Variants in LEPR observed in about 807,000 individuals in gnomAD.
The protein encoded by LEPR is OB receptor.
Under a neutral mutation model 114.7 loss-of-function variants are expected in LEPR, and 56 were observed. That is an observed-to-expected ratio of 0.49 (90% CI 0.39 to 0.61). The LOEUF (loss-of-function observed/expected upper bound fraction) is 0.61, where lower values mean the gene tolerates loss of function less well. LEPR is among the 20% of genes least tolerant of loss of function. The probability of loss-of-function intolerance (pLI) is 0.00; values close to 1 mark genes in which losing one functional copy is unlikely to be tolerated. For synonymous variants in LEPR, 443 were observed against 461.4 expected (o/e 0.96, Z 0.51); for missense variants, 1,202 against 1,352.9 (o/e 0.89, Z 1.75).
chr1:65,548,151 G>T (rs1000752090), intron 2 of LEPR, among the ~76,000 whole-genome samples: 1 of 151,998 alleles, frequency 6.6e-6, no homozygotes, highest in East Asian at 1.9e-4. Context: ...GTTCTAGTTT[G>T]ACTGCACTGT....
At position 65,633,123 on chromosome 1, in the gene LEPR, T is replaced by G; in HGVS notation, c.2674-3068T>G. 1 of 1,429,998 alleles carries G rather than the reference T, an allele frequency of 7.0e-7. No individual in the cohort carries two copies. Among genetic ancestry groups the G allele is most frequent in the Non-Finnish European group, 9.8e-7 (1 of 1,017,818 alleles). The allele number at this position is 1,429,998 out of a possible 1,614,324, so 88.6% of individuals were successfully genotyped here. A position where few individuals can be genotyped will look rare whatever the true frequency, so the allele number is the denominator to read the frequency against. On this transcript the variant is annotated intron_variant, in intron 19 of 19. Coordinates refer to ENST00000349533, the MANE Select transcript of LEPR (RefSeq NM_002303.6). This position sits in a 1 kb window ranked among gnomAD's most constrained non-coding sequence, Gnocchi z 4.1. ...TTGTGAGTGATTTTTTATTTTGCTT[T>G]CTTATTTTGTTTTATTTTATCTAAA...
chr1:65,538,908 A>G (rs1366458461), intron 2 of LEPR, among the ~76,000 whole-genome samples: 1 of 151,454 alleles, frequency 6.6e-6, no homozygotes, highest in African/African-American at 2.4e-5. Flanking sequence ...CTCTGGAAAC[A>G]CTTGTGCCTT....
chr1:65,592,412 C>T (rs888340028), intron 5 of LEPR, among the ~76,000 whole-genome samples: 3 of 151,218 alleles, frequency 2.0e-5, no homozygotes, highest in Non-Finnish European at 3.0e-5. Flanking sequence ...TTTAGAATTG[C>T]AGTTTTTCTT....
intron 2 of LEPR, among the ~76,000 whole-genome samples, chr1:65,536,798 AG>A (rs1452231414): frequency 1.3e-5 from 2 of 152,222 alleles, no homozygotes; most frequent in African/African-American, 2.4e-5. Flanking sequence ...AATTCAAAAA[AG>A]AATGCCTCAC....
chr1:65,604,620 T>C (rs1656687294), intron 10 of LEPR, among the ~76,000 whole-genome samples: 1 of 152,184 alleles, frequency 6.6e-6, no homozygotes, highest in African/African-American at 2.4e-5. Flanking sequence ...CCGGGCCTTC[T>C]GCCTGTCTTT....
chr1:65,488,781 A>C (rs1348455312), intron 2 of LEPR, among the ~76,000 whole-genome samples: 1 of 150,922 alleles, frequency 6.6e-6, no homozygotes, highest in Admixed American at 6.6e-5. Context: ...TATCCTTCCC[A>C]GCCTCTGCTA....
intron 2 of LEPR, among the ~76,000 whole-genome samples, chr1:65,527,528 C>T (rs953476979): frequency 6.6e-6 from 1 of 152,126 alleles, no homozygotes; most frequent in Middle Eastern, 3.2e-3. Context: ...AATGTTTTAT[C>T]AGTAGCATTT....
At chr1:65,612,424 G>A (rs1422395059) in intron 14 of LEPR, among the ~76,000 whole-genome samples, 1 of 152,170 alleles carries the variant, frequency 6.6e-6, no homozygotes, top group Non-Finnish European at 1.5e-5. Flanking sequence ...TTTACCCAAT[G>A]TTCTTTTTCT....
intron 4 of LEPR, among the ~76,000 whole-genome samples, 192 bp downstream of exon 4, chr1:65,570,994 A>G (rs1313089340): frequency 2.6e-5 from 4 of 152,202 alleles, no homozygotes; most frequent in Non-Finnish European, 5.9e-5. Context: ...TAAAAATATA[A>G]TGAGGGAATT....
chr1:65,456,776 A>G (rs1646882039), intron 2 of LEPR, among the ~76,000 whole-genome samples: 1 of 152,116 alleles, frequency 6.6e-6, no homozygotes, highest in Non-Finnish European at 1.5e-5. Context: ...TCTGTCTTTG[A>G]TTGGTGCATT....
rs1254065134 is a variant in LEPR, at chr1:65,451,659, C to T, written c.-21+26281C>T. On this transcript the variant is annotated intron_variant, in intron 2 of 19. Transcript: ENST00000349533. The stretch of plus-strand genomic sequence containing the variant: ...TATATCTCTGTTTTGGTACCAGTAC[C>T]GTGCTGTTTTGGTTACTGTAGCCTT... Among the ~76,000 whole-genome samples the T allele has an allele frequency of 8.5e-5, 13 of 152,276 alleles. No individual in the cohort carries two copies. The East Asian group carries it at 9.6e-4, about 11-fold the overall frequency.
chr1:65,587,929 A>G (rs1242068821), intron 5 of LEPR, among the ~76,000 whole-genome samples: 1 of 152,018 alleles, frequency 6.6e-6, no homozygotes, highest in African/African-American at 2.4e-5. Context: ...TGATTTTTAA[A>G]TTATTACATT....
intron 2 of LEPR, among the ~76,000 whole-genome samples, chr1:65,558,033 A>G (rs7413823): frequency 0.71 from 107,115 of 151,828 alleles, 38,757 homozygotes; most frequent in Middle Eastern, 0.87. Flanking sequence ...AGTTAAAAAC[A>G]AGCCAAATCA....
chr1:65,565,654 G>C (rs745650299), intron 3 of LEPR, 49 bp downstream of exon 3: 3 of 1,608,208 alleles, frequency 1.9e-6, no homozygotes, highest in East Asian at 4.5e-5. Context: ...ACATGGTAGA[G>C]ATTTTGCCTT....
intron 2 of LEPR, among the ~76,000 whole-genome samples, chr1:65,442,008 G>T (rs146871953): frequency 1.8e-4 from 27 of 152,260 alleles, no homozygotes; most frequent in African/African-American, 6.5e-4. Flanking sequence ...GGGTTAATGT[G>T]GGCTGAGAGA....
intron 2 of LEPR, among the ~76,000 whole-genome samples, chr1:65,455,828 CTG>C (rs1646864273): frequency 6.6e-6 from 1 of 152,240 alleles, no homozygotes; most frequent in Non-Finnish European, 1.5e-5. Flanking sequence ...AGCTTCCTGG[CTG>C]CTTTGTTTAC....
chr1:65,514,433 A>G (rs1321136284), intron 2 of LEPR, among the ~76,000 whole-genome samples: 1 of 152,222 alleles, frequency 6.6e-6, no homozygotes, highest in African/African-American at 2.4e-5. Context: ...TCTTACATAG[A>G]TATTTTCAAA....
chr1:65,592,134 C>T (rs1460188089), intron 5 of LEPR, among the ~76,000 whole-genome samples: 5 of 151,878 alleles, frequency 3.3e-5, no homozygotes, highest in African/African-American at 7.2e-5. Context: ...CTTTTACCTA[C>T]GTTGTAAACT....
chr1:65,423,061 G>A (rs539212053), intron 1 of LEPR, among the ~76,000 whole-genome samples: 28 of 152,190 alleles, frequency 1.8e-4, no homozygotes, highest in Non-Finnish European at 2.4e-4. Context: ...CATGGTGTCA[G>A]TCCTCTAAGA....
Sources: gnomAD v4.1 joint callset for allele counts (sites outside exome capture counted in the v4.1 genomes callset) on GRCh38, gnomAD v4.1.1 for gene constraint, Gnocchi (gnomAD v3.1) non-coding constraint, MANE v1.5 for transcripts, NCBI Gene and HGNC (gene_info 2026-07-23, HGNC 2026-07-21) for gene names.